Variants in LY75 observed in about 807,000 individuals in gnomAD.
LY75 encodes the protein lymphocyte antigen 75.
LY75 carries 185 observed loss-of-function variants against 231.7 expected under a neutral mutation model. That is an observed-to-expected ratio of 0.80 (90% CI 0.71 to 0.90). The LOEUF (loss-of-function observed/expected upper bound fraction) is 0.90, where lower values mean the gene tolerates loss of function less well. Among genes scored for constraint, LY75 ranks in the 40% least tolerant of loss-of-function variants. LY75 has a pLI of 0.00. For missense variants in LY75, 1,947 were observed against 2,050.2 expected, an observed-to-expected ratio of 0.95 and a Z score of 0.97; for synonymous variants, 668 against 689.0, an observed-to-expected ratio of 0.97 and a Z score of 0.48.
At chr2:159,904,337 T>A (rs1407817135) in intron 1 of LY75, among the ~76,000 whole-genome samples, 2 of 152,158 alleles carry the variant, frequency 1.3e-5, no homozygotes, top group African/African-American at 2.4e-5. Context: ...GTGCACCGCG[T>A]CCCCTCTGCA....
intron 4 of LY75, 97 bp downstream of exon 4, chr2:159,890,116 G>T: frequency 2.0e-6 from 3 of 1,481,724 alleles, no homozygotes; most frequent in Admixed American, 2.4e-5. Context: ...GGTCAGAAAA[G>T]TTACATACAA....
rs1400485663 is a variant in LY75 at position 159,852,461 on chromosome 2, G to A, written c.2744-121C>T. The A allele has an allele frequency of 1.5e-5, 20 of 1,378,056 alleles. No homozygotes were observed. In the Admixed American group the frequency reaches 2.7e-4, roughly 18 times the overall value. 85.4% of individuals were successfully genotyped at this position (1,378,056 alleles called of 1,614,324 possible). On this transcript the variant is annotated intron_variant, in intron 20 of 34. Transcript: ENST00000263636. ...GAGACAGAGTCTCGCTCTGTTGCCCGGGGCTGGAGTGCAGTGGTGCAATGT... is the reference window on the plus strand; with the variant it reads ...GAGACAGAGTCTCGCTCTGTTGCCCAGGGCTGGAGTGCAGTGGTGCAATGT...
Position 159,819,617 on chromosome 2 carries a change from G to C in LY75, c.4153+109C>G, listed in dbSNP as rs955750735. On this transcript the variant is annotated intron_variant, in intron 29 of 34. Coordinates refer to ENST00000263636, the MANE Select transcript of LY75 (RefSeq NM_002349.4). ...GATAACCTCTGTAACACCTCGCACAGGACTGAATACAGAGGAAGCATTTGA... is the reference window on the plus strand; with the variant it reads ...GATAACCTCTGTAACACCTCGCACACGACTGAATACAGAGGAAGCATTTGA... 150 of 1,352,984 alleles carry C rather than the reference G, an allele frequency of 1.1e-4. No homozygotes were observed. In the African/African-American group the frequency reaches 2.1e-3, roughly 19 times the overall value. The allele number at this position is 1,352,984 out of a possible 1,614,324, so 83.8% of individuals were successfully genotyped here. A position where few individuals can be genotyped will look rare whatever the true frequency, so the allele number is the denominator to read the frequency against.
chr2:159,821,808 G>C (rs1438148231), intron 28 of LY75, among the ~76,000 whole-genome samples: 1 of 152,212 alleles, frequency 6.6e-6, no homozygotes, highest in Non-Finnish European at 1.5e-5. Flanking sequence ...GCAGAAGGCA[G>C]GTGATTTCTG....
intron 5 of LY75, among the ~76,000 whole-genome samples, chr2:159,885,578 T>TG (rs1271904530): frequency 6.6e-6 from 1 of 152,194 alleles, no homozygotes; most frequent in Non-Finnish European, 1.5e-5. Flanking sequence ...CCATATTCTA[T>TG]GCTTAGTAGC....
chr2:159,871,614 T>C (rs950818692), intron 13 of LY75, among the ~76,000 whole-genome samples: 21 of 152,160 alleles, frequency 1.4e-4, no homozygotes, highest in African/African-American at 5.1e-4. Context: ...TAAGTCTCTT[T>C]CAAAAGTGCA....
At chr2:159,864,982 CAT>C in intron 13 of LY75, 62 bp from the exon 14 acceptor site, 1 of 1,479,770 alleles carries the variant, frequency 6.8e-7, no homozygotes, top group Non-Finnish European at 9.1e-7. Context: ...TTAGCACTCA[CAT>C]GTCTAATGTG....
At chr2:159,872,688 A>G in intron 12 of LY75, 95 bp from the exon 13 acceptor site, 2 of 1,388,150 alleles carry the variant, frequency 1.4e-6, no homozygotes, top group Non-Finnish European at 2.0e-6. Context: ...GGGCCCCTGA[A>G]ATGAATTCTT....
At chr2:159,820,005 T>TAAG (rs1683238437) in intron 28 of LY75, 85 bp from the exon 29 acceptor site, 1 of 1,338,562 alleles carries the variant, frequency 7.5e-7, no homozygotes, top group South Asian at 1.8e-5. Flanking sequence ...CAAACTTGAC[T>TAAG]AATTTTCTCT....
chr2:159,878,224 T>C (rs1157012303), intron 11 of LY75, 100 bp downstream of exon 11: 6 of 1,466,518 alleles, frequency 4.1e-6, no homozygotes, highest in Non-Finnish European at 4.6e-6. Flanking sequence ...AAGATCATCA[T>C]GTCCCTCACA....
chr2:159,886,657 G>T, intron 4 of LY75, 127 bp from the exon 5 acceptor site: 1 of 873,950 alleles, frequency 1.1e-6, no homozygotes, highest in Non-Finnish European at 1.6e-6. Context: ...CCTGTAGAGG[G>T]CTGTTTATGC....
intron 10 of LY75, 69 bp from the exon 11 acceptor site, chr2:159,878,562 C>T: frequency 6.2e-7 from 1 of 1,611,836 alleles, no homozygotes. Flanking sequence ...GCACCTTTTA[C>T]TTAGGAAGAC....
At chr2:159,842,174 ACTCT>A (rs201135691) in intron 24 of LY75, 67 bp downstream of exon 24, 2 of 1,445,878 alleles carry the variant, frequency 1.4e-6, no homozygotes, top group African/African-American at 1.8e-5. Context: ...ATAGAAAGTG[ACTCT>A]CTCTCTCTCT....
intron 12 of LY75, among the ~76,000 whole-genome samples, 155 bp downstream of exon 12, chr2:159,875,289 G>C (rs1685231004): frequency 6.6e-6 from 1 of 152,008 alleles, no homozygotes. Flanking sequence ...CCTCACACCA[G>C]AGGTTCAGCG....
At position 159,878,365 on chromosome 2, in the gene LY75, C is replaced by A; in HGVS notation, c.1733G>T (p.Arg578Met). ...CCAGTTGGAAAAGGTTACAGCCCGC[C>A]TTCTTCCACCAACAGTTGCCCAGTT... The part of the protein sequence containing the change: ...EYNWATVGGR[R>M]RAVTFSNWNF... Residue 578 changes from arginine to methionine, a missense_variant, in exon 11 of 35, where the codon AGG (arginine) becomes ATG (methionine). Arg to Met is a moderately conservative substitution (Grantham distance 91). Coordinates refer to ENST00000263636, the MANE Select transcript of LY75 (RefSeq NM_002349.4). 6.2e-7 allele frequency: 1 copy of A among 1,614,100 alleles called. No individual in the cohort carries two copies. The highest frequency in any genetic ancestry group is 2.2e-5 in the East Asian group (1 of 44,870).
chr2:159,879,334 T>C lies in LY75; in HGVS notation c.1440A>G (p.Lys480=). 6.2e-7 allele frequency: 1 copy of C among 1,613,744 alleles called. No individual in the cohort carries two copies. The highest frequency in any genetic ancestry group is 8.5e-7 in the Non-Finnish European group (1 of 1,179,880). ...GQWKVQSCEE[K]LKYVCKRKGE... ...CCTTTCTCTTGCATACATATTTTAG[T>C]TTCTCCTCACATGATTGGACTTTCC... is the stretch of plus-strand genomic sequence containing the variant. Residue 480 remains lysine (K), a synonymous_variant, in exon 9 of 35, where the codon AAA becomes AAG. Transcript: ENST00000263636.
chr2:159,886,978 A>G (rs1480249422), intron 4 of LY75, among the ~76,000 whole-genome samples: 14 of 151,918 alleles, frequency 9.2e-5, no homozygotes, highest in Admixed American at 7.9e-4. Flanking sequence ...TAAAAACTGA[A>G]ATGACAAAGT....
At chr2:159,868,622 G>A (rs1362738700) in intron 13 of LY75, among the ~76,000 whole-genome samples, 1 of 152,144 alleles carries the variant, frequency 6.6e-6, no homozygotes, top group Non-Finnish European at 1.5e-5. Flanking sequence ...GTTTCCTAGT[G>A]TAATTCGTTC....
chr2:159,846,221 A>G (rs1684197875), intron 23 of LY75, among the ~76,000 whole-genome samples: 1 of 152,114 alleles, frequency 6.6e-6, no homozygotes, highest in African/African-American at 2.4e-5. Flanking sequence ...AAAGGGGAAA[A>G]AAAAAACACA....
Sources: allele counts gnomAD v4.1 joint callset (sites outside exome capture counted in the v4.1 genomes callset), GRCh38; gene constraint gnomAD v4.1.1; transcripts MANE v1.5; gene names NCBI Gene and HGNC (gene_info 2026-07-23, HGNC 2026-07-21).